CSMD1: variants seen among roughly 807,000 people sequenced by gnomAD.
CSMD1 encodes CUB and sushi domain-containing protein 1.
A neutral mutation model predicts 417.5 loss-of-function variants in CSMD1; 213 were observed. The ratio of observed to expected loss-of-function variants is 0.51; its 90% CI spans 0.46 to 0.57. The LOEUF is 0.57. CSMD1 is among the 20% of genes least tolerant of loss of function. CSMD1 has a pLI of 0.00. For missense variants in CSMD1, 6,923 were observed against 4,529.7 expected, an observed-to-expected ratio of 1.53 and a Z score of -15.17; for synonymous variants, 2,862 against 1,736.8, an observed-to-expected ratio of 1.65 and a Z score of -16.11.
chr8:4,807,303 C>T (rs762993406), intron 1 of CSMD1, among the ~76,000 whole-genome samples: 21 of 152,174 alleles, frequency 1.4e-4, no homozygotes, highest in Non-Finnish European at 2.6e-4. Context: ...CTATGACAGG[C>T]CTCGGCTAAT....
chr8:4,188,016 A>T (rs1269015990), intron 3 of CSMD1, among the ~76,000 whole-genome samples: 3 of 152,040 alleles, frequency 2.0e-5, no homozygotes, highest in African/African-American at 4.8e-5. Flanking sequence ...ACCTTTTTTT[A>T]AAAAAAGACC....
chr8:4,925,549 TTTTTTC>T, intron 1 of CSMD1, among the ~76,000 whole-genome samples: 1 of 145,232 alleles, frequency 6.9e-6, no homozygotes, highest in Middle Eastern at 3.5e-3. Flanking sequence ...TTTTTTTTTC[TTTTTTC>T]TTTTTTTTTG....
intron 1 of CSMD1, among the ~76,000 whole-genome samples, chr8:4,957,229 A>G (rs1174786899): frequency 1.3e-5 from 2 of 152,184 alleles, no homozygotes; most frequent in African/African-American, 4.8e-5. Flanking sequence ...CTGGGAGCCT[A>G]ATATTACTGA....
chr8:4,039,061 C>A (rs77442658), intron 3 of CSMD1, among the ~76,000 whole-genome samples: 1 of 106,994 alleles, frequency 9.3e-6, no homozygotes, highest in Non-Finnish European at 1.9e-5. Context: ...TACTACAATA[C>A]AATATTAATA....
At chr8:4,223,686 C>T (rs188687002) in intron 3 of CSMD1, among the ~76,000 whole-genome samples, 1 of 152,198 alleles carries the variant, frequency 6.6e-6, no homozygotes, top group Admixed American at 6.5e-5. Context: ...AATCATTTGA[C>T]TTCCAGAGCC....
At chr8:4,158,506 A>G (rs779320548) in intron 3 of CSMD1, among the ~76,000 whole-genome samples, 4 of 152,138 alleles carry the variant, frequency 2.6e-5, no homozygotes, top group Admixed American at 6.5e-5. Flanking sequence ...AGGATATTGG[A>G]AAAACTCCCA....
At chr8:3,804,308 G>T (rs1389600836) in intron 5 of CSMD1, among the ~76,000 whole-genome samples, 1 of 151,896 alleles carries the variant, frequency 6.6e-6, no homozygotes, top group Admixed American at 6.6e-5. Context: ...AATTTTTTTT[G>T]TGCTGAGACC....
At chr8:3,231,984 T>C (rs747632755) in intron 26 of CSMD1, among the ~76,000 whole-genome samples, 12 of 152,234 alleles carry the variant, frequency 7.9e-5, no homozygotes, top group Non-Finnish European at 1.3e-4. Context: ...TTCTCTCAAA[T>C]TGATTGTTAT....
chr8:4,713,174 A>G (rs1057504573), intron 1 of CSMD1, among the ~76,000 whole-genome samples: 15 of 152,202 alleles, frequency 9.9e-5, no homozygotes, highest in Non-Finnish European at 1.3e-4. Flanking sequence ...GGGTGGGGAA[A>G]CACATTAAAT....
At chr8:3,504,712 C>T (rs535800179) in intron 10 of CSMD1, among the ~76,000 whole-genome samples, 62 of 152,288 alleles carry the variant, frequency 4.1e-4, no homozygotes, top group African/African-American at 1.3e-3. Flanking sequence ...ATCACCTGCA[C>T]CCTTCCTTCT....
chr8:3,873,372 CAT>C (rs1805610085), intron 5 of CSMD1, among the ~76,000 whole-genome samples: 1 of 151,180 alleles, frequency 6.6e-6, no homozygotes, highest in Admixed American at 6.6e-5. Context: ...ACTATCAAGA[CAT>C]AAAAAAAAAT....
chr8:3,482,880 C>T (rs1474698840), intron 11 of CSMD1, among the ~76,000 whole-genome samples: 1 of 152,008 alleles, frequency 6.6e-6, no homozygotes, highest in Admixed American at 6.6e-5. Flanking sequence ...CTAAATAATC[C>T]ATGATTCAAA....
intron 6 of CSMD1, among the ~76,000 whole-genome samples, chr8:3,710,095 T>C (rs1159995654): frequency 6.6e-6 from 1 of 151,278 alleles, no homozygotes; most frequent in African/African-American, 2.4e-5. Context: ...TATCTACATA[T>C]ATTTTACGCA....
At chr8:4,280,104 T>G (rs931279566) in intron 3 of CSMD1, among the ~76,000 whole-genome samples, 1 of 152,242 alleles carries the variant, frequency 6.6e-6, no homozygotes, top group African/African-American at 2.4e-5. Context: ...TTTTGTATGC[T>G]CTCTTCATTA....
At chr8:4,854,271 G>T (rs910957830) in intron 1 of CSMD1, among the ~76,000 whole-genome samples, 2 of 152,150 alleles carry the variant, frequency 1.3e-5, no homozygotes, top group Non-Finnish European at 2.9e-5. Context: ...ATAATCCCCA[G>T]TGTTGGAGAC....
intron 5 of CSMD1, among the ~76,000 whole-genome samples, chr8:3,871,219 A>G (rs1049831938): frequency 1.2e-4 from 19 of 152,134 alleles, no homozygotes; most frequent in African/African-American, 3.6e-4. Context: ...CCAAGGAACT[A>G]TATTAAAATT....
chr8:3,729,943 AAAAAAAAAAAAAAAAAAAC>A (rs754367562), intron 6 of CSMD1, among the ~76,000 whole-genome samples: 4,329 of 24,282 alleles, frequency 0.18, 534 homozygotes, highest in Non-Finnish European at 0.46. Context: ...AAAAAAAAAA[AAAAAAAAAAAAAAAAAAAC>A]AAAAACAGAA....
At chr8:3,506,162 C>G (rs1036680509) in intron 10 of CSMD1, among the ~76,000 whole-genome samples, 2 of 152,090 alleles carry the variant, frequency 1.3e-5, no homozygotes, top group Non-Finnish European at 2.9e-5. Context: ...AGGGAGGCAG[C>G]TGAAACTCAA....
At chr8:4,814,808 G>C (rs1799114379) in intron 1 of CSMD1, among the ~76,000 whole-genome samples, 1 of 152,052 alleles carries the variant, frequency 6.6e-6, no homozygotes, top group African/African-American at 2.4e-5. Flanking sequence ...TTAGCTTACT[G>C]TAATAAGGTA....
Sources: allele counts gnomAD v4.1 joint callset (sites outside exome capture counted in the v4.1 genomes callset), GRCh38; gene constraint gnomAD v4.1.1; transcripts MANE v1.5; gene names NCBI Gene and HGNC (gene_info 2026-07-23, HGNC 2026-07-21).